SOX5: variants seen among roughly 807,000 people sequenced by gnomAD.
SOX5 encodes the protein SRY-box transcription factor 5.
A neutral mutation model predicts 92.0 loss-of-function variants in SOX5; 9 were observed. The ratio of observed to expected loss-of-function variants is 0.10; its 90% CI spans 0.06 to 0.17. SOX5 has a LOEUF of 0.17. SOX5 is among the 10% of genes least tolerant of loss of function. SOX5 has a pLI of 1.00. For synonymous variants in SOX5, 344 were observed against 336.3 expected, an observed-to-expected ratio of 1.02 and a Z score of -0.25; for missense variants, 642 against 944.5, an observed-to-expected ratio of 0.68 and a Z score of 4.20.
intron 9 of SOX5, among the ~76,000 whole-genome samples, chr12:23,597,482 AGAG>A (rs1952666083): frequency 6.6e-6 from 1 of 152,234 alleles, no homozygotes; most frequent in Non-Finnish European, 1.5e-5. Flanking sequence ...GATGAAAAGG[AGAG>A]GAGGAGGCTC....
intron 3 of SOX5, among the ~76,000 whole-genome samples, chr12:24,238,598 CA>C (rs1258776270): frequency 6.6e-6 from 1 of 152,172 alleles, no homozygotes; most frequent in Non-Finnish European, 1.5e-5. Flanking sequence ...CTCAAGTCAT[CA>C]GTCTTCCTCA....
intron 1 of SOX5, among the ~76,000 whole-genome samples, chr12:24,465,982 A>G (rs1482363145): frequency 6.6e-6 from 1 of 152,212 alleles, no homozygotes; most frequent in Non-Finnish European, 1.5e-5. Flanking sequence ...GATTTATAGT[A>G]ACATTTACAC....
chr12:23,962,358 A>C (rs897668263), intron 4 of SOX5, among the ~76,000 whole-genome samples: 2 of 152,140 alleles, frequency 1.3e-5, no homozygotes, highest in Non-Finnish European at 2.9e-5. Context: ...CCCTCACCCC[A>C]TGTAAACCAC....
intron 8 of SOX5, among the ~76,000 whole-genome samples, chr12:23,613,939 T>C (rs2076258550): frequency 6.6e-6 from 1 of 152,076 alleles, no homozygotes; most frequent in Non-Finnish European, 1.5e-5. Flanking sequence ...AGGTTTGAAT[T>C]TAGAATTCTT....
chr12:24,545,198 C>A (rs1454015951), intron 1 of SOX5, among the ~76,000 whole-genome samples: 4 of 152,086 alleles, frequency 2.6e-5, no homozygotes, highest in Non-Finnish European at 1.5e-5. Context: ...GTCCAACAAG[C>A]TGTCCTACCT....
In SOX5 at chr12:23,561,537, A is replaced by G. The variant is rs143812818; in HGVS notation, c.1488+1721T>C. ...CATTGCCTTACAAGCCGTCAGCGCA[A>G]TTATTGCCCTCCGATGTGAATGACT... is the stretch of plus-strand genomic sequence containing the variant. On this transcript the variant is annotated intron_variant, in intron 11 of 14. Coordinates refer to ENST00000451604, the MANE Select transcript of SOX5 (RefSeq NM_006940.6). 4.1e-4 allele frequency among the ~76,000 whole-genome samples: 62 copies of G among 152,256 alleles called. 1 individual carries two copies. The highest frequency in any genetic ancestry group is 1.4e-3 in the African/African-American group (59 of 41,550).
chr12:24,004,566 A>G (rs1261607522), intron 4 of SOX5, among the ~76,000 whole-genome samples: 2 of 152,152 alleles, frequency 1.3e-5, no homozygotes, highest in East Asian at 1.9e-4. Context: ...CCATGATGAG[A>G]TATCACTACA....
chr12:23,647,246 A>G (rs1052260457), intron 7 of SOX5, among the ~76,000 whole-genome samples: 8 of 152,182 alleles, frequency 5.3e-5, no homozygotes, highest in Non-Finnish European at 8.8e-5. Context: ...AATGTTTTGA[A>G]AGAAATCTTT....
chr12:24,152,691 T>C (rs1951775158), intron 4 of SOX5, among the ~76,000 whole-genome samples: 1 of 152,006 alleles, frequency 6.6e-6, no homozygotes, highest in Admixed American at 6.6e-5. Flanking sequence ...GAAAAAAAAA[T>C]CATCTTAAAT....
At chr12:23,869,252 C>T (rs1335183247) in intron 2 of SOX5, among the ~76,000 whole-genome samples, 2 of 152,114 alleles carry the variant, frequency 1.3e-5, no homozygotes, top group African/African-American at 4.8e-5. Flanking sequence ...GTTCCACACA[C>T]ATACCCAGAA....
At position 24,424,815 on chromosome 12, in the gene SOX5, G is replaced by GGT. The variant is rs1555286330; in HGVS notation, c.-250-56177_-250-56176insAC. On this transcript the variant is annotated intron_variant, in intron 1 of 4. Transcript: ENST00000446891. Reference sequence around the variant, plus strand: ...CTTTGTGAGTTTTTTTTTTGGGGGGGGGGGATGGCTGTTTTTCCCCCTAGA... The same window carrying GGT: ...CTTTGTGAGTTTTTTTTTTGGGGGGGGTGGGGATGGCTGTTTTTCCCCCTAGA... Among the ~76,000 whole-genome samples the GGT allele has an allele frequency of 1.4e-4, 21 of 150,452 alleles. 1 individual carries two copies. The highest frequency in any genetic ancestry group is 1.1e-3 in the Admixed American group (17 of 15,072).
chr12:24,044,626 T>TA (rs1440554630), intron 4 of SOX5, among the ~76,000 whole-genome samples: 2 of 152,324 alleles, frequency 1.3e-5, no homozygotes, highest in South Asian at 2.1e-4. Flanking sequence ...CCTATTGAGT[T>TA]AAAAAATTCC....
chr12:23,964,715 C>T (rs74234902), intron 4 of SOX5, among the ~76,000 whole-genome samples: 17 of 152,110 alleles, frequency 1.1e-4, no homozygotes, highest in Non-Finnish European at 1.9e-4. Context: ...ATTTTCCAAG[C>T]ATCTAAAATC....
intron 4 of SOX5, among the ~76,000 whole-genome samples, chr12:24,107,699 C>A (rs577531632): frequency 2.0e-5 from 3 of 152,116 alleles, no homozygotes; most frequent in Admixed American, 6.5e-5. Context: ...CTTGATATGA[C>A]GAAAGGACAA....
At chr12:24,245,826 C>G (rs1938587883) in intron 3 of SOX5, among the ~76,000 whole-genome samples, 3 of 152,070 alleles carry the variant, frequency 2.0e-5, no homozygotes, top group Admixed American at 2.0e-4. Context: ...TGTGTGAATG[C>G]AGAACTCAAA....
chr12:23,641,820 A>C (rs2080111074), intron 7 of SOX5, among the ~76,000 whole-genome samples: 1 of 152,228 alleles, frequency 6.6e-6, no homozygotes, highest in South Asian at 2.1e-4. Flanking sequence ...GTAATGCATA[A>C]AACATTTTGT....
At chr12:23,814,587 C>T (rs1422662298) in intron 3 of SOX5, among the ~76,000 whole-genome samples, 1 of 152,170 alleles carries the variant, frequency 6.6e-6, no homozygotes, top group Admixed American at 6.5e-5. Flanking sequence ...CAATTTTTCA[C>T]TTCAATTAAC....
intron 2 of SOX5, among the ~76,000 whole-genome samples, chr12:24,296,818 T>TAAA (rs34459785): frequency 0.037 from 5,030 of 137,360 alleles, 322 homozygotes; most frequent in African/African-American, 0.12. Context: ...ACATTGTTCT[T>TAAA]AAAAAAAAAA....
intron 3 of SOX5, among the ~76,000 whole-genome samples, chr12:23,838,152 AT>A (rs1457120179): frequency 2.8e-5 from 4 of 142,468 alleles, no homozygotes; most frequent in African/African-American, 1.0e-4. Flanking sequence ...ATATATTTAT[AT>A]TTATATAATA....
Sources: gnomAD v4.1 joint callset for allele counts (sites outside exome capture counted in the v4.1 genomes callset) on GRCh38, gnomAD v4.1.1 for gene constraint, MANE v1.5 for transcripts, NCBI Gene and HGNC (gene_info 2026-07-23, HGNC 2026-07-21) for gene names.